FZD6: variants seen among roughly 807,000 people sequenced by gnomAD.
FZD6 encodes frizzled class receptor 6.
In FZD6, 49 loss-of-function variants were observed where a neutral mutation model predicts 61.4. The observed-to-expected ratio is 0.80, with a 90% CI of 0.63 to 1.01. The LOEUF is 1.01. Among genes scored for constraint, FZD6 ranks in the 50% least tolerant of loss-of-function variants. The pLI is 0.00. For missense variants in FZD6, 724 were observed against 848.2 expected, an observed-to-expected ratio of 0.85 and a Z score of 1.82; for synonymous variants, 265 against 292.2, an observed-to-expected ratio of 0.91 and a Z score of 0.95.
At chr8:103,314,896 T>C (rs1015477574) in intron 2 of FZD6, among the ~76,000 whole-genome samples, 1 of 152,214 alleles carries the variant, frequency 6.6e-6, no homozygotes, top group African/African-American at 2.4e-5. Context: ...TTAAGGTGTA[T>C]ACAGTGCTCA....
chr8:103,325,289 C>T lies in FZD6; in HGVS notation c.1183C>T (p.His395Tyr), dbSNP rs1586525320. Residue 395 changes from histidine to tyrosine, a missense_variant, in exon 4 of 7, where the codon CAT becomes TAT. His to Tyr is a moderately conservative substitution (Grantham distance 83, BLOSUM62 2). Coordinates refer to ENST00000358755, the MANE Select transcript of FZD6 (RefSeq NM_003506.4). Reference protein sequence around the residue: ...LLLAGIISLNHVRQVIQHDGR... With the variant: ...LLLAGIISLNYVRQVIQHDGR... Reference sequence around the variant, plus strand: ...TTTAGCTGGCATTATTTCCTTAAATCATGTTCGACAAGTCATACAACATGA... The same window carrying T: ...TTTAGCTGGCATTATTTCCTTAAATTATGTTCGACAAGTCATACAACATGA... The T allele has an allele frequency of 6.2e-7, 1 of 1,613,950 alleles. No homozygotes were observed. The highest frequency in any genetic ancestry group is 8.5e-7 in the Non-Finnish European group (1 of 1,179,818).
rs529849844 is a variant in FZD6 at position 103,324,611 on chromosome 8, G to A, written c.505G>A (p.Gly169Arg). ...FWCPRHLKTS[G>R]GQGYKFLGID... is the part of the protein sequence containing the mutation. The stretch of plus-strand genomic sequence containing the variant: ...GTGTCCAAGGCATCTTAAGACTTCT[G>A]GGGGACAAGGATATAAGTTTCTGGG... The change falls in exon 4 of 7, where the codon GGG becomes AGG. Residue 169 changes from glycine to arginine, a missense_variant. Coordinates refer to ENST00000358755, the MANE Select transcript of FZD6 (RefSeq NM_003506.4). 39 of 1,614,088 alleles carry A rather than the reference G, an allele frequency of 2.4e-5. No individual in the cohort carries two copies. The East Asian group carries it at 8.2e-4, about 34-fold the overall frequency.
chr8:103,299,728 T>C (rs543887353), intron 1 of FZD6, among the ~76,000 whole-genome samples: 1 of 152,330 alleles, frequency 6.6e-6, no homozygotes, highest in African/African-American at 2.4e-5. Flanking sequence ...TTTAACCCTG[T>C]CTTCCATACA....
chr8:103,326,595 C>A (rs537570618), intron 4 of FZD6, among the ~76,000 whole-genome samples: 5 of 150,532 alleles, frequency 3.3e-5, no homozygotes, highest in Admixed American at 6.6e-5. Flanking sequence ...TTATAATCTT[C>A]AAGTGGAGAA....
rs561414836 is a variant in FZD6, at chr8:103,318,932, G to A, written c.374+146G>A. 44 of 678,360 alleles carry A rather than the reference G, an allele frequency of 6.5e-5. 1 individual carries two copies. In the South Asian group the frequency reaches 7.3e-4, roughly 11 times the overall value. The allele number at this position is 678,360 out of a possible 1,614,324, so 42.0% of individuals were successfully genotyped here. A position where few individuals can be genotyped will look rare whatever the true frequency, so the allele number is the denominator to read the frequency against. On this transcript the variant is annotated intron_variant, in intron 3 of 6. Transcript: ENST00000358755. ...TATGTCAGGCACTATGGTGCTAAGT[G>A]CTGTGGACACAAAGGTGGGCAAAAA... is the stretch of plus-strand genomic sequence containing the variant.
chr8:103,321,715 A>G (rs1425282765), intron 3 of FZD6, among the ~76,000 whole-genome samples: 1 of 152,236 alleles, frequency 6.6e-6, no homozygotes, highest in Non-Finnish European at 1.5e-5. Context: ...ATCAGAGCAC[A>G]GGCACATTCT....
Position 103,329,858 on chromosome 8 carries a change from G to A in FZD6, c.1745G>A (p.Gly582Glu), listed in dbSNP as rs760532855. Residue 582 changes from glycine (G) to glutamate (E), a missense_variant, in exon 6 of 7, where the codon GGA (glycine) becomes GAA (glutamate). Gly to Glu is a moderately conservative substitution (Grantham distance 98, BLOSUM62 -2). Coordinates refer to ENST00000358755, the MANE Select transcript of FZD6 (RefSeq NM_003506.4). ...AVAITSHDYL[G>E]QETLTEIQTS... ...GCAATTACTAGCCATGATTACCTAG[G>A]ACAAGAAACTTTGACAGAAATCCAA... The A allele has an allele frequency of 6.2e-7, 1 of 1,614,070 alleles. No individual in the cohort carries two copies. Among genetic ancestry groups the A allele is most frequent in the Admixed American group, 1.7e-5 (1 of 60,010 alleles).
chr8:103,300,414 C>T, intron 2 of FZD6, 130 bp downstream of exon 2: 1 of 766,904 alleles, frequency 1.3e-6, no homozygotes. Context: ...TTTGAAAAGT[C>T]CTTTTGAAAA....
chr8:103,308,523 A>G (rs994029291), intron 2 of FZD6, among the ~76,000 whole-genome samples: 4 of 152,158 alleles, frequency 2.6e-5, no homozygotes, highest in South Asian at 2.1e-4. Context: ...TTATAATCCT[A>G]TAGTAGCTCA....
In FZD6 at chr8:103,324,560, C is replaced by G. The variant is rs61753730; in HGVS notation, c.454C>G (p.Gln152Glu). 46,336 of 1,612,028 alleles carry G rather than the reference C, an allele frequency of 0.029. 755 individuals are homozygous for G. Among genetic ancestry groups the G allele is most frequent in the Non-Finnish European group, 0.032 (37,177 of 1,178,094 alleles). The change falls in exon 4 of 7, where the codon CAA (glutamine) becomes GAA (glutamate). Residue 152 changes from glutamine (Q) to glutamate (E), a missense_variant. Physicochemically the swap from Gln to Glu is conservative, Grantham distance 29. Coordinates refer to ENST00000358755, the MANE Select transcript of FZD6 (RefSeq NM_003506.4). ...TCTTGGTCCTCAGAAGAAAACAGAACAAGTCCAAAGAGACATTGGATTTTG... is the reference window on the plus strand; with the variant it reads ...TCTTGGTCCTCAGAAGAAAACAGAAGAAGTCCAAAGAGACATTGGATTTTG... ...EFLGPQKKTE[Q>E]VQRDIGFWCP...
intron 2 of FZD6, among the ~76,000 whole-genome samples, chr8:103,308,477 T>C (rs185466466): frequency 6.6e-6 from 1 of 152,278 alleles, no homozygotes; most frequent in African/African-American, 2.4e-5. Flanking sequence ...AGACAGTGAT[T>C]GAAGTTCTGC....
At chr8:103,306,182 C>A (rs2130274122) in intron 2 of FZD6, among the ~76,000 whole-genome samples, 1 of 152,316 alleles carries the variant, frequency 6.6e-6, no homozygotes, top group South Asian at 2.1e-4. Flanking sequence ...TGGTCCCTCA[C>A]AAGAAATAGT....
rs1814126681 is a variant in FZD6, at chr8:103,300,389, G to A, written c.177+105G>A. 1.4e-5 allele frequency: 12 copies of A among 885,594 alleles called. No homozygotes were observed. In the South Asian group the frequency reaches 1.6e-4, roughly 12 times the overall value. 54.9% of individuals were successfully genotyped at this position (885,594 alleles called of 1,614,324 possible). On this transcript the variant is annotated intron_variant, in intron 2 of 6. Coordinates refer to ENST00000358755, the MANE Select transcript of FZD6 (RefSeq NM_003506.4). ...TAAACAGAGCCGATTTCTTCAAGTT[G>A]TGTACAAGTTGTGTTTTGAAAAGTC...
At chr8:103,331,300 T>A (rs1381582823) in intron 6 of FZD6, 41 bp from the exon 7 acceptor site, 1 of 1,411,444 alleles carries the variant, frequency 7.1e-7, no homozygotes, top group Non-Finnish European at 1.0e-6. Flanking sequence ...CATATTTGTG[T>A]TTGTGGATGT....
intron 3 of FZD6, among the ~76,000 whole-genome samples, chr8:103,320,549 C>CTAAT (rs1349975008): frequency 6.6e-6 from 1 of 151,604 alleles, no homozygotes; most frequent in Non-Finnish European, 1.5e-5. Context: ...GAGAAATGAA[C>CTAAT]TAATGTATGG....
intron 4 of FZD6, among the ~76,000 whole-genome samples, chr8:103,327,570 T>G (rs927374940): frequency 7.2e-5 from 11 of 152,194 alleles, no homozygotes; most frequent in Admixed American, 6.6e-4. Flanking sequence ...CACTCCAGCC[T>G]GGGTGACAGA....
intron 2 of FZD6, 116 bp downstream of exon 2, chr8:103,300,400 G>A (rs1814127421): frequency 1.2e-6 from 1 of 844,878 alleles, no homozygotes. Flanking sequence ...TGTACAAGTT[G>A]TGTTTTGAAA....
At chr8:103,321,177 C>T (rs951385030) in intron 3 of FZD6, among the ~76,000 whole-genome samples, 2 of 152,154 alleles carry the variant, frequency 1.3e-5, no homozygotes, top group African/African-American at 4.8e-5. Context: ...GTCTTCGTAA[C>T]TTGATTTTTG....
intron 2 of FZD6, among the ~76,000 whole-genome samples, chr8:103,314,039 C>A (rs1814567706): frequency 1.3e-5 from 2 of 152,076 alleles, no homozygotes; most frequent in Admixed American, 1.3e-4. Flanking sequence ...CTGAAGGTAT[C>A]TGAGTTTTCA....
Sources: allele counts gnomAD v4.1 joint callset (sites outside exome capture counted in the v4.1 genomes callset), GRCh38; gene constraint gnomAD v4.1.1; transcripts MANE v1.5; gene names NCBI Gene and HGNC (gene_info 2026-07-23, HGNC 2026-07-21).